Variants in PCDHA12 observed in about 807,000 individuals in gnomAD.
The protein encoded by PCDHA12 is protocadherin alpha 12, also known as protocadherin alpha-12.
A neutral mutation model predicts 60.0 loss-of-function variants in PCDHA12; 44 were observed. That is an observed-to-expected ratio of 0.73 (90% CI 0.58 to 0.94). The LOEUF (loss-of-function observed/expected upper bound fraction) is 0.94, where lower values mean the gene tolerates loss of function less well. Among genes scored for constraint, PCDHA12 ranks in the 40% least tolerant of loss-of-function variants. The pLI is 0.00. For missense variants in PCDHA12, 1,276 were observed against 1,239.7 expected (o/e 1.03, Z -0.44); for synonymous variants, 569 against 553.0 (o/e 1.03, Z -0.40).
intron 1 of PCDHA12, among the ~76,000 whole-genome samples, chr5:140,938,740 A>T (rs1308554709): frequency 1.3e-5 from 2 of 152,150 alleles, no homozygotes; most frequent in East Asian, 3.8e-4. Flanking sequence ...AAAAATAATT[A>T]TTTTTAAAGG....
chr5:140,905,427 A>G lies in PCDHA12; in HGVS notation c.2367+27588A>G, dbSNP rs185931856. 5.3e-5 allele frequency among the ~76,000 whole-genome samples: 8 copies of G among 152,298 alleles called. No homozygotes were observed. The East Asian group carries it at 1.5e-3, about 29-fold the overall frequency. ...TTTATACCAGTACCATGCTGGTTTG[A>G]TAACTACAGCCTTTTAGTATAATTT... On this transcript the variant is annotated intron_variant, in intron 1 of 3. Transcript: ENST00000398631.
In PCDHA12 at chr5:140,974,947, C is replaced by T. The variant is rs145175873; in HGVS notation, c.2368-4002C>T. On this transcript the variant is annotated intron_variant, in intron 1 of 3. Coordinates refer to ENST00000398631, the MANE Select transcript of PCDHA12 (RefSeq NM_018903.4). ...GTTTAAAACACCACCTATTTGTTAT[C>T]TCACAGTCCTGTACCATGTGGCTGA... is the stretch of plus-strand genomic sequence containing the variant. 2.7e-3 allele frequency among the ~76,000 whole-genome samples: 417 copies of T among 152,322 alleles called. 3 individuals carry two copies. The highest frequency in any genetic ancestry group is 2.1e-3 in the Non-Finnish European group (142 of 68,022).
Position 140,877,849 on chromosome 5 carries a change from TA to T in PCDHA12, c.2367+12del. The T allele has an allele frequency of 6.5e-7, 1 of 1,545,946 alleles. No homozygotes were observed. Among genetic ancestry groups the T allele is most frequent in the Non-Finnish European group, 8.7e-7 (1 of 1,152,102 alleles). ...AAATCCTCCCAGTGAAGTAAGTTATTAATATTATTTAGATATATTTGTTTCC... is the reference window on the plus strand; with the variant it reads ...AAATCCTCCCAGTGAAGTAAGTTATTATATTATTTAGATATATTTGTTTCC... On this transcript the variant is annotated intron_variant, in intron 1 of 3. Transcript: ENST00000398631.
chr5:140,978,057 T>C (rs527562348), intron 1 of PCDHA12, among the ~76,000 whole-genome samples: 1 of 152,304 alleles, frequency 6.6e-6, no homozygotes, highest in South Asian at 2.1e-4. Context: ...ACTGATGATG[T>C]CCCAGTGATT....
intron 1 of PCDHA12, among the ~76,000 whole-genome samples, chr5:140,895,474 C>T (rs947771616): frequency 2.1e-4 from 32 of 152,154 alleles, no homozygotes; most frequent in African/African-American, 7.0e-4. Flanking sequence ...TTATCCTCTT[C>T]GGAGAAATAC....
chr5:140,981,185 T>C (rs2096921770), intron 2 of PCDHA12, among the ~76,000 whole-genome samples: 1 of 152,224 alleles, frequency 6.6e-6, no homozygotes. Flanking sequence ...TAGTTCAAGT[T>C]TGCCTGCTCT....
rs572664608 is a variant in PCDHA12 at position 140,918,936 on chromosome 5, T to C, written c.2367+41097T>C. 6.0e-4 allele frequency among the ~76,000 whole-genome samples: 92 copies of C among 152,342 alleles called. 2 individuals are homozygous for C. Among genetic ancestry groups the C allele is most frequent in the Admixed American group, 5.2e-3 (80 of 15,310 alleles). On this transcript the variant is annotated intron_variant, in intron 1 of 3. Transcript: ENST00000398631. ...AACTACACAGCATATGGCATTTTGT[T>C]ATAATATCCTGAACAGACTAAGACA...
chr5:140,955,492 A>G, intron 1 of PCDHA12, among the ~76,000 whole-genome samples: 1 of 152,138 alleles, frequency 6.6e-6, no homozygotes, highest in East Asian at 1.9e-4. Context: ...TCCTGCCACC[A>G]TGTGAAGAAA....
At chr5:140,955,043 T>C (rs1285355120) in intron 1 of PCDHA12, among the ~76,000 whole-genome samples, 1 of 152,176 alleles carries the variant, frequency 6.6e-6, no homozygotes, top group Non-Finnish European at 1.5e-5. Context: ...CTTTTCCTCA[T>C]TGCTTGTTTT....
At chr5:141,008,784 A>G (rs541946217) in intron 3 of PCDHA12, among the ~76,000 whole-genome samples, 2 of 152,320 alleles carry the variant, frequency 1.3e-5, no homozygotes, top group East Asian at 3.9e-4. Flanking sequence ...ATTGGCTCCC[A>G]GTGTTTTATC....
chr5:140,950,720 T>C (rs2094512536), intron 1 of PCDHA12, among the ~76,000 whole-genome samples: 1 of 152,106 alleles, frequency 6.6e-6, no homozygotes, highest in South Asian at 2.1e-4. Flanking sequence ...CTTATATCCT[T>C]AAATTTTTTA....
chr5:140,887,357 A>T (rs112910602), intron 1 of PCDHA12, among the ~76,000 whole-genome samples: 12,309 of 152,126 alleles, frequency 0.081, 539 homozygotes, highest in Middle Eastern at 0.13. Context: ...CGGCCTCCCA[A>T]AGTGCTGGGA....
At chr5:141,003,486 T>C (rs1563677160) in intron 3 of PCDHA12, among the ~76,000 whole-genome samples, 2 of 152,054 alleles carry the variant, frequency 1.3e-5, no homozygotes. Flanking sequence ...CTAATTTTTA[T>C]AGTTTTAGTA....
intron 1 of PCDHA12, among the ~76,000 whole-genome samples, chr5:140,925,696 A>G (rs2153579068): frequency 6.6e-6 from 1 of 150,926 alleles, no homozygotes; most frequent in African/African-American, 2.4e-5. Context: ...GTGGGTATCT[A>G]GCCTATTCTT....
At chr5:140,902,575 T>A (rs1200474088) in intron 1 of PCDHA12, among the ~76,000 whole-genome samples, 1 of 152,082 alleles carries the variant, frequency 6.6e-6, no homozygotes, top group Non-Finnish European at 1.5e-5. Flanking sequence ...TTTTTAAGAT[T>A]TCAATAGTTT....
chr5:140,981,791 C>G (rs564396430), intron 2 of PCDHA12, among the ~76,000 whole-genome samples: 2 of 152,000 alleles, frequency 1.3e-5, no homozygotes, highest in Non-Finnish European at 2.9e-5. Flanking sequence ...GTTCTCTTTT[C>G]CCTTGAACAG....
chr5:141,009,132 G>A (rs2098400947), intron 3 of PCDHA12, among the ~76,000 whole-genome samples: 1 of 152,204 alleles, frequency 6.6e-6, no homozygotes, highest in African/African-American at 2.4e-5. Flanking sequence ...GTATCCTGGT[G>A]AAAAAACCTG....
intron 3 of PCDHA12, among the ~76,000 whole-genome samples, chr5:141,007,395 C>CAAAAAAAAAAAAAAA (rs35800918): frequency 2.1e-5 from 2 of 94,866 alleles, no homozygotes; most frequent in Non-Finnish European, 2.1e-5. Context: ...TACTAAAATA[C>CAAAAAAAAAAAAAAA]AAAAAAAAAA....
chr5:140,933,653 G>GTC (rs1245688430), intron 1 of PCDHA12, among the ~76,000 whole-genome samples: 13 of 151,864 alleles, frequency 8.6e-5, no homozygotes, highest in African/African-American at 2.7e-4. Flanking sequence ...TGGAAATCCT[G>GTC]TCTCTCTCTC....
Sources: gnomAD v4.1 joint callset for allele counts (sites outside exome capture counted in the v4.1 genomes callset) on GRCh38, gnomAD v4.1.1 for gene constraint, MANE v1.5 for transcripts, NCBI Gene and HGNC (gene_info 2026-07-23, HGNC 2026-07-21) for gene names.